Variants in FER1L6 observed in about 807,000 individuals in gnomAD.
FER1L6 encodes the protein fer-1-like protein 6.
Under a neutral mutation model 219.2 loss-of-function variants are expected in FER1L6, and 177 were observed. That is an observed-to-expected ratio of 0.81 (90% confidence interval 0.71 to 0.91). The LOEUF (loss-of-function observed/expected upper bound fraction) is 0.91. Among genes scored for constraint, FER1L6 ranks in the 40% least tolerant of loss-of-function variants. The pLI, the probability that FER1L6 is intolerant of heterozygous loss-of-function variation, is 0.00. For synonymous variants in FER1L6, 768 were observed against 824.3 expected, an observed-to-expected ratio of 0.93 and a Z score of 1.17; for missense variants, 2,153 against 2,259.9, an observed-to-expected ratio of 0.95 and a Z score of 0.96.
intron 22 of FER1L6, among the ~76,000 whole-genome samples, chr8:124,052,690 C>T (rs183982017): frequency 4.0e-4 from 61 of 152,194 alleles, no homozygotes; most frequent in African/African-American, 1.3e-3. Flanking sequence ...GAGGCTGAGG[C>T]GCCTGAATCA....
intron 12 of FER1L6, among the ~76,000 whole-genome samples, chr8:123,996,807 T>A (rs1036293035): frequency 2.0e-5 from 3 of 152,102 alleles, no homozygotes; most frequent in Non-Finnish European, 4.4e-5. Flanking sequence ...TGATTTGAGG[T>A]TATCATAAGG....
chr8:123,923,613 T>C (rs547690518), intron 1 of FER1L6, among the ~76,000 whole-genome samples: 69 of 152,266 alleles, frequency 4.5e-4, no homozygotes, highest in African/African-American at 1.5e-3. Context: ...ATGATGACAA[T>C]ATCAATAATA....
chr8:123,899,978 G>A (rs1409676698), intron 1 of FER1L6, among the ~76,000 whole-genome samples: 2 of 152,008 alleles, frequency 1.3e-5, no homozygotes, highest in Non-Finnish European at 2.9e-5. Context: ...TGGCTATGTG[G>A]GTTCTTTTTT....
chr8:123,855,031 T>TATTA lies in FER1L6; in HGVS notation c.-8+2847_-8+2850dup, dbSNP rs531097076. Among the ~76,000 whole-genome samples, 925 of 152,338 alleles carry TATTA rather than the reference T, an allele frequency of 6.1e-3. 3 individuals carry two copies. Among genetic ancestry groups the TATTA allele is most frequent in the South Asian group, 0.018 (85 of 4,828 alleles). On this transcript the variant is annotated intron_variant, in intron 1 of 40. Transcript: ENST00000522917. ...GCAGTTTTAGCTCCAAAGGAGACCC[T>TATTA]ATTACTCTCAGCTTTCCCTCTTCAA...
chr8:123,980,619 C>T lies in FER1L6; in HGVS notation c.1218C>T (p.Leu406=), dbSNP rs1816279905. 1.2e-6 allele frequency: 2 copies of T among 1,614,144 alleles called. No individual in the cohort carries two copies. ...RILVEIAVEI[L]SGRAQESKFS... The stretch of plus-strand genomic sequence containing the variant: ...TGGTAGAAATTGCTGTGGAAATCCT[C>T]TCAGGACGGGCACAGGAATCTAAAT... The change falls in exon 11 of 41, where the codon CTC becomes CTT. Residue 406 remains leucine (L), a synonymous_variant. Coordinates refer to ENST00000522917, the MANE Select transcript of FER1L6 (RefSeq NM_001039112.2).
intron 33 of FER1L6, 22 bp downstream of exon 33, chr8:124,082,480 G>T: frequency 6.2e-7 from 1 of 1,609,110 alleles, no homozygotes; most frequent in South Asian, 1.1e-5. Flanking sequence ...CTCCCCGGGA[G>T]ACACTTGGTA....
chr8:123,993,168 C>T (rs1260597795), intron 12 of FER1L6, among the ~76,000 whole-genome samples: 7 of 152,134 alleles, frequency 4.6e-5, no homozygotes, highest in Admixed American at 2.0e-4. Context: ...TCCGGCCGGG[C>T]GCGGTGGCTC....
chr8:123,945,186 C>T (rs555412571), intron 1 of FER1L6, among the ~76,000 whole-genome samples: 56 of 152,300 alleles, frequency 3.7e-4, no homozygotes, highest in African/African-American at 1.3e-3. Context: ...GAGGACTAGA[C>T]TGGGAAGCCC....
At chr8:123,967,036 C>A (rs558010841) in intron 5 of FER1L6, among the ~76,000 whole-genome samples, 6 of 146,304 alleles carry the variant, frequency 4.1e-5, no homozygotes, top group Non-Finnish European at 8.9e-5. Flanking sequence ...GAGCCGAGAT[C>A]GTGCCATTGC....
At chr8:123,958,469 C>T (rs959622794) in intron 2 of FER1L6, among the ~76,000 whole-genome samples, 11 of 152,236 alleles carry the variant, frequency 7.2e-5, no homozygotes, top group Admixed American at 5.9e-4. Context: ...TCCTTTCCTT[C>T]GGGGTTCCAG....
intron 1 of FER1L6, among the ~76,000 whole-genome samples, chr8:123,866,144 A>C (rs1476458316): frequency 1.3e-5 from 2 of 152,020 alleles, no homozygotes; most frequent in Non-Finnish European, 2.9e-5. Context: ...TGTTTCTATG[A>C]GGTCGACTTT....
At chr8:124,025,572 T>G (rs1460988393) in intron 18 of FER1L6, among the ~76,000 whole-genome samples, 1 of 152,236 alleles carries the variant, frequency 6.6e-6, no homozygotes, top group Non-Finnish European at 1.5e-5. Context: ...GTTGTTTTGG[T>G]GACTATAGCC....
chr8:124,114,113 T>A (rs937728390), intron 39 of FER1L6, among the ~76,000 whole-genome samples: 13 of 152,224 alleles, frequency 8.5e-5, no homozygotes, highest in Admixed American at 2.0e-4. Flanking sequence ...AAGCTATTGA[T>A]CGATCTATTT....
At chr8:124,015,333 T>C (rs1363834918) in intron 15 of FER1L6, among the ~76,000 whole-genome samples, 2 of 151,868 alleles carry the variant, frequency 1.3e-5, no homozygotes, top group South Asian at 2.1e-4. Context: ...AGGAAACAAC[T>C]TGGACTAACC....
At chr8:123,950,182 T>C (rs1342972308) in intron 1 of FER1L6, among the ~76,000 whole-genome samples, 1 of 152,186 alleles carries the variant, frequency 6.6e-6, no homozygotes, top group Non-Finnish European at 1.5e-5. Context: ...ATTGTTGACT[T>C]GACTTGCCAA....
intron 18 of FER1L6, among the ~76,000 whole-genome samples, chr8:124,028,591 G>C (rs1818820034): frequency 6.6e-6 from 1 of 152,150 alleles, no homozygotes; most frequent in African/African-American, 2.4e-5. Context: ...CTAAGCTAAA[G>C]TTTCCTCAAG....
intron 39 of FER1L6, among the ~76,000 whole-genome samples, chr8:124,107,762 G>A (rs186405981): frequency 3.8e-4 from 58 of 152,234 alleles, no homozygotes; most frequent in African/African-American, 1.3e-3. Flanking sequence ...TTCTGCTTTT[G>A]TGCTTCGGAG....
intron 1 of FER1L6, among the ~76,000 whole-genome samples, chr8:123,926,887 TTCTC>T (rs770989395): frequency 7.9e-5 from 12 of 152,040 alleles, no homozygotes; most frequent in Admixed American, 3.3e-4. Context: ...GACTACTTAA[TTCTC>T]TCTCTCTCTC....
At position 123,976,206 on chromosome 8, in the gene FER1L6, C is replaced by G. The variant is rs543979167; in HGVS notation, c.870+122C>G. 6 of 852,228 alleles carry G rather than the reference C, an allele frequency of 7.0e-6. No homozygotes were observed. In the South Asian group the frequency reaches 1.4e-4, roughly 19 times the overall value. The allele number at this position is 852,228 out of a possible 1,614,324, so 52.8% of individuals were successfully genotyped here. ...GTGCCTTGAAAGCAAAAGCTTGTTACAAAAAGGCAATGGGGCCAGGCGAGG... is the reference window on the plus strand; with the variant it reads ...GTGCCTTGAAAGCAAAAGCTTGTTAGAAAAAGGCAATGGGGCCAGGCGAGG... On this transcript the variant is annotated intron_variant, in intron 9 of 40. Transcript: ENST00000522917.
Sources: allele counts gnomAD v4.1 joint callset (sites outside exome capture counted in the v4.1 genomes callset), GRCh38; gene constraint gnomAD v4.1.1; transcripts MANE v1.5; gene names NCBI Gene and HGNC (gene_info 2026-07-23, HGNC 2026-07-21).